SDK1: variants seen among roughly 807,000 people sequenced by gnomAD.
SDK1 encodes protein sidekick-1.
In SDK1, 157 loss-of-function variants were observed where a neutral mutation model predicts 245.5. That is an observed-to-expected ratio of 0.64 (90% confidence interval 0.56 to 0.73). The LOEUF is 0.73. SDK1 is among the 30% of genes least tolerant of loss of function. The pLI, the probability that SDK1 is intolerant of heterozygous loss-of-function variation, is 0.00. For synonymous variants in SDK1, 1,647 were observed against 1,278.5 expected (o/e 1.29, Z -6.15); for missense variants, 3,583 against 3,002.3 (o/e 1.19, Z -4.52).
At chr7:4,262,018 CTTTTTTTTTTTT>C (rs34610558) in intron 44 of SDK1, among the ~76,000 whole-genome samples, 5 of 59,252 alleles carry the variant, frequency 8.4e-5, no homozygotes, top group East Asian at 7.8e-4. Context: ...CTGCTTTCTC[CTTTTTTTTTTTT>C]TTTTTTTTTT....
At chr7:4,037,511 G>A (rs899269926) in intron 17 of SDK1, among the ~76,000 whole-genome samples, 1 of 152,134 alleles carries the variant, frequency 6.6e-6, no homozygotes, top group Non-Finnish European at 1.5e-5. Flanking sequence ...CAGCTACTCG[G>A]GAGGCTGAGT....
chr7:3,847,248 C>T (rs959302823), intron 5 of SDK1, among the ~76,000 whole-genome samples: 1 of 152,122 alleles, frequency 6.6e-6, no homozygotes, highest in African/African-American at 2.4e-5. Context: ...GATGTACCAT[C>T]GACTTCATCA....
intron 1 of SDK1, among the ~76,000 whole-genome samples, chr7:3,375,895 T>C (rs1279204198): frequency 6.6e-6 from 1 of 152,242 alleles, no homozygotes; most frequent in Admixed American, 6.5e-5. Context: ...TGCTGATTGC[T>C]GTTTTAAGCC....
chr7:4,125,108 A>G (rs1047253377), intron 25 of SDK1, among the ~76,000 whole-genome samples: 1 of 141,468 alleles, frequency 7.1e-6, no homozygotes, highest in African/African-American at 2.6e-5. Flanking sequence ...GAGTGAATGG[A>G]TGGATGGGTG....
chr7:3,507,563 C>T (rs1468923590), intron 1 of SDK1, among the ~76,000 whole-genome samples: 1 of 152,152 alleles, frequency 6.6e-6, no homozygotes, highest in Non-Finnish European at 1.5e-5. Context: ...GGCTGACAGT[C>T]CCCTCTGTAT....
intron 1 of SDK1, among the ~76,000 whole-genome samples, chr7:3,504,166 A>C (rs1250187488): frequency 1.1e-5 from 1 of 94,230 alleles, no homozygotes; most frequent in East Asian, 2.6e-4. Context: ...AAACCAAAAA[A>C]ATTATATATA....
At chr7:3,937,370 A>G (rs949696057) in intron 5 of SDK1, among the ~76,000 whole-genome samples, 3 of 152,312 alleles carry the variant, frequency 2.0e-5, no homozygotes, top group East Asian at 3.9e-4. Context: ...AGCACAAGTC[A>G]TTCTTCAGAT....
chr7:4,237,286 T>A (rs1265956853), intron 41 of SDK1, among the ~76,000 whole-genome samples: 6 of 151,902 alleles, frequency 3.9e-5, no homozygotes, highest in Non-Finnish European at 8.8e-5. Context: ...TTTAAACAGA[T>A]GAAATTAAGA....
chr7:3,497,078 A>G (rs1386308931), intron 1 of SDK1, among the ~76,000 whole-genome samples: 2 of 152,210 alleles, frequency 1.3e-5, no homozygotes, highest in Non-Finnish European at 2.9e-5. Context: ...AAATTGTTCT[A>G]GAGAAGAATG....
At chr7:4,254,803 C>G (rs1787528700) in intron 44 of SDK1, among the ~76,000 whole-genome samples, 1 of 152,112 alleles carries the variant, frequency 6.6e-6, no homozygotes, top group Non-Finnish European at 1.5e-5. Context: ...CAGTGAAGTC[C>G]ATTTCCCCTG....
chr7:3,982,178 C>T (rs1360085589), intron 13 of SDK1, among the ~76,000 whole-genome samples: 4 of 152,204 alleles, frequency 2.6e-5, no homozygotes, highest in Non-Finnish European at 4.4e-5. Flanking sequence ...GTAAATGGAA[C>T]AGCAAAGCCT....
In SDK1 at chr7:3,543,516, C is replaced by T. The variant is rs1346913480; in HGVS notation, c.299-75564C>T. Among the ~76,000 whole-genome samples, 23 of 152,216 alleles carry T rather than the reference C, an allele frequency of 1.5e-4. 1 individual carries two copies. Among genetic ancestry groups the T allele is most frequent in the Admixed American group, 1.5e-3 (23 of 15,280 alleles). ...CTGCTCGTGGCTGGTAATATCCTTG[C>T]AGGGGCCACCTCTACTCGTAGGGAA... On this transcript the variant is annotated intron_variant, in intron 1 of 44. Coordinates refer to ENST00000404826, the MANE Select transcript of SDK1 (RefSeq NM_152744.4).
chr7:3,892,846 TC>T (rs1781495317), intron 5 of SDK1, among the ~76,000 whole-genome samples: 1 of 152,124 alleles, frequency 6.6e-6, no homozygotes, highest in African/African-American at 2.4e-5. Flanking sequence ...CAAGCCACTT[TC>T]CCTCTGTGGA....
intron 5 of SDK1, among the ~76,000 whole-genome samples, chr7:3,940,099 C>T (rs985192466): frequency 2.0e-5 from 3 of 152,078 alleles, no homozygotes; most frequent in Non-Finnish European, 2.9e-5. Flanking sequence ...ACCTACAGAA[C>T]TTCTCATTGT....
intron 1 of SDK1, among the ~76,000 whole-genome samples, chr7:3,401,709 A>C (rs1262271096): frequency 6.6e-6 from 1 of 151,726 alleles, no homozygotes; most frequent in African/African-American, 2.4e-5. Flanking sequence ...TTTATTATGG[A>C]GATAATGCTA....
At chr7:3,372,946 C>T (rs1781264357) in intron 1 of SDK1, among the ~76,000 whole-genome samples, 1 of 152,184 alleles carries the variant, frequency 6.6e-6, no homozygotes. Flanking sequence ...AAGAAAAATG[C>T]AGGCTTTTGA....
intron 2 of SDK1, among the ~76,000 whole-genome samples, chr7:3,632,920 A>G (rs1044558390): frequency 3.9e-5 from 6 of 152,210 alleles, no homozygotes; most frequent in African/African-American, 1.4e-4. Context: ...AAAACCTGCT[A>G]TAGACTCATC....
At chr7:3,514,261 A>G (rs1782667210) in intron 1 of SDK1, among the ~76,000 whole-genome samples, 1 of 152,170 alleles carries the variant, frequency 6.6e-6, no homozygotes, top group Admixed American at 6.5e-5. Context: ...TTAGAAGTAG[A>G]CTATGTTGTA....
chr7:4,210,345 G>A (rs937360863), intron 38 of SDK1, among the ~76,000 whole-genome samples, 183 bp downstream of exon 38: 4 of 152,170 alleles, frequency 2.6e-5, no homozygotes, highest in East Asian at 1.9e-4. Flanking sequence ...GCGGGGACTC[G>A]CGGGGAAAGG....
Sources: allele counts gnomAD v4.1 joint callset (sites outside exome capture counted in the v4.1 genomes callset), GRCh38; gene constraint gnomAD v4.1.1; transcripts MANE v1.5; gene names NCBI Gene and HGNC (gene_info 2026-07-23, HGNC 2026-07-21).